ADCY8: variants seen among roughly 807,000 people sequenced by gnomAD.
ADCY8 encodes adenylate cyclase type 8.
In ADCY8, 51 loss-of-function variants were observed where a neutral mutation model predicts 119.7. The observed-to-expected ratio is 0.43, with a 90% CI of 0.34 to 0.54. ADCY8 has a LOEUF of 0.54. Ranked by LOEUF, ADCY8 falls within the 20% of genes least tolerant of loss-of-function variation. The pLI, the probability that ADCY8 is intolerant of heterozygous loss-of-function variation, is 0.03. For missense variants in ADCY8, 1,383 were observed against 1,598.8 expected (o/e 0.87, Z 2.30); for synonymous variants, 665 against 651.0 (o/e 1.02, Z -0.33).
intron 1 of ADCY8, among the ~76,000 whole-genome samples, chr8:131,010,910 T>A (rs1823280982): frequency 6.6e-6 from 1 of 152,244 alleles, no homozygotes; most frequent in Admixed American, 6.5e-5. Flanking sequence ...GAGAGAGTTT[T>A]TAAAAGCATG....
chr8:131,024,651 C>G (rs970318789), intron 1 of ADCY8, among the ~76,000 whole-genome samples: 2 of 152,208 alleles, frequency 1.3e-5, no homozygotes, highest in African/African-American at 4.8e-5. Context: ...AGTCAAAGTA[C>G]ACAATTGTTT....
At position 130,881,013 on chromosome 8, in the gene ADCY8, C is replaced by A. The variant is rs1052299318; in HGVS notation, c.2109+3551G>T. Among the ~76,000 whole-genome samples the A allele has an allele frequency of 2.6e-5, 4 of 152,172 alleles. 1 individual carries two copies. Among genetic ancestry groups the A allele is most frequent in the African/African-American group, 9.7e-5 (4 of 41,446 alleles). ...ATGAGCATACTGTTCTGAAGCTTAA[C>A]TCAAAAGACTCCTGTGAGGGAGCAG... On this transcript the variant is annotated intron_variant, in intron 8 of 17. Transcript: ENST00000286355.
chr8:130,818,452 T>C (rs1018168689), intron 13 of ADCY8, among the ~76,000 whole-genome samples: 12 of 152,236 alleles, frequency 7.9e-5, no homozygotes, highest in Non-Finnish European at 1.2e-4. Flanking sequence ...CTCTGTTCAA[T>C]GTTGAGAATG....
intron 2 of ADCY8, among the ~76,000 whole-genome samples, chr8:130,971,670 T>C (rs941471376): frequency 2.0e-5 from 3 of 152,162 alleles, no homozygotes; most frequent in South Asian, 4.1e-4. Context: ...CAATTAAGGA[T>C]GTCTAGTCTC....
chr8:130,963,874 A>G (rs10090658), intron 2 of ADCY8, among the ~76,000 whole-genome samples: 105,426 of 152,068 alleles, frequency 0.69, 40,345 homozygotes, highest in East Asian at 0.93. Flanking sequence ...CAAGTGTCAG[A>G]AAGATTATGG....
chr8:130,797,336 T>C (rs1003790947), intron 15 of ADCY8, among the ~76,000 whole-genome samples: 4 of 152,326 alleles, frequency 2.6e-5, no homozygotes, highest in Admixed American at 1.3e-4. Context: ...GCCAAAACAC[T>C]GGACACCCCT....
intron 2 of ADCY8, among the ~76,000 whole-genome samples, chr8:130,952,949 G>A (rs748829327): frequency 5.9e-5 from 9 of 152,094 alleles, no homozygotes; most frequent in Non-Finnish European, 1.0e-4. Flanking sequence ...GAAGTGAGAC[G>A]CACGCAGCCT....
intron 14 of ADCY8, among the ~76,000 whole-genome samples, chr8:130,812,529 G>T (rs1816201585): frequency 6.6e-6 from 1 of 152,198 alleles, no homozygotes; most frequent in Non-Finnish European, 1.5e-5. Context: ...CTTTTAAGAA[G>T]GGCTGTGTGA....
chr8:131,015,661 G>A (rs1823451581), intron 1 of ADCY8, among the ~76,000 whole-genome samples: 1 of 151,974 alleles, frequency 6.6e-6, no homozygotes, highest in African/African-American at 2.4e-5. Context: ...GTAGTTAAAT[G>A]TATTATTTTT....
intron 13 of ADCY8, among the ~76,000 whole-genome samples, 178 bp downstream of exon 13, chr8:130,821,164 C>A (rs906223196): frequency 6.6e-6 from 1 of 152,202 alleles, no homozygotes; most frequent in African/African-American, 2.4e-5. Flanking sequence ...ACATTGTTTA[C>A]CAGATCTTCT....
At chr8:130,788,696 G>A (rs1479040969) in intron 15 of ADCY8, among the ~76,000 whole-genome samples, 1 of 151,930 alleles carries the variant, frequency 6.6e-6, no homozygotes, top group Non-Finnish European at 1.5e-5. Context: ...ATTCTGTTTT[G>A]ATCATTACAT....
chr8:130,935,045 T>A (rs1820743492), intron 5 of ADCY8, among the ~76,000 whole-genome samples: 1 of 152,210 alleles, frequency 6.6e-6, no homozygotes, highest in African/African-American at 2.4e-5. Context: ...CTGTGACAAC[T>A]GGATATTTTT....
chr8:130,990,415 A>T lies in ADCY8; in HGVS notation c.1088T>A (p.Leu363Gln). 1 of 1,614,164 alleles carries T rather than the reference A, an allele frequency of 6.2e-7. No homozygotes were observed. Among genetic ancestry groups the T allele is most frequent in the East Asian group, 2.2e-5 (1 of 44,870 alleles). Residue 363 changes from leucine to glutamine, a missense_variant, in exon 2 of 18, where the codon CTG becomes CAG. Physicochemically the swap from Leu to Gln is moderately radical, Grantham distance 113 (BLOSUM62 -2). Coordinates refer to ENST00000286355, the MANE Select transcript of ADCY8 (RefSeq NM_001115.3). ...TRRCVEARLR[L>Q]ETENQRQERL... ...TACCTGTCTTTGGTTCTCTGTCTCC[A>T]GGCGCAGCCTGGCCTCCACACACCT...
intron 7 of ADCY8, among the ~76,000 whole-genome samples, chr8:130,895,570 A>G (rs933627912): frequency 6.6e-6 from 1 of 152,176 alleles, no homozygotes; most frequent in Non-Finnish European, 1.5e-5. Context: ...GTGAAAAAGC[A>G]GACCCCACTA....
chr8:130,928,466 G>A (rs6989230), intron 5 of ADCY8, among the ~76,000 whole-genome samples: 5,966 of 152,148 alleles, frequency 0.039, 374 homozygotes, highest in African/African-American at 0.14. Flanking sequence ...AATTAATTGA[G>A]AATTTTCATC....
At chr8:130,908,587 C>T (rs1432322130) in intron 6 of ADCY8, among the ~76,000 whole-genome samples, 2 of 152,104 alleles carry the variant, frequency 1.3e-5, no homozygotes, top group East Asian at 3.9e-4. Context: ...GCCATTATAG[C>T]AGATGAGAGA....
At chr8:130,805,899 T>C (rs1489246626) in intron 14 of ADCY8, among the ~76,000 whole-genome samples, 1 of 152,134 alleles carries the variant, frequency 6.6e-6, no homozygotes, top group Non-Finnish European at 1.5e-5. Flanking sequence ...TCCATGAGGA[T>C]ACAAGACAGA....
At chr8:130,806,158 T>A (rs1815950474) in intron 14 of ADCY8, among the ~76,000 whole-genome samples, 1 of 152,138 alleles carries the variant, frequency 6.6e-6, no homozygotes, top group Non-Finnish European at 1.5e-5. Flanking sequence ...GTGAGGTGAC[T>A]CCTCTGACCA....
At chr8:130,893,314 G>T (rs1326688382) in intron 7 of ADCY8, among the ~76,000 whole-genome samples, 1 of 152,126 alleles carries the variant, frequency 6.6e-6, no homozygotes, top group African/African-American at 2.4e-5. Context: ...GCTGGGATAA[G>T]GTACGATCTA....
Sources: allele counts gnomAD v4.1 joint callset (sites outside exome capture counted in the v4.1 genomes callset), GRCh38; gene constraint gnomAD v4.1.1; transcripts MANE v1.5; gene names NCBI Gene and HGNC (gene_info 2026-07-23, HGNC 2026-07-21).